The following DENND2B variants were observed in gnomAD, a reference collection of about 807,000 sequenced individuals.
DENND2B encodes the protein DENN domain-containing protein 2B.
In DENND2B, 32 loss-of-function variants were observed where a neutral mutation model predicts 116.0. That is an observed-to-expected ratio of 0.28 (90% confidence interval 0.21 to 0.37). The LOEUF is 0.37. Ranked by LOEUF, DENND2B falls within the 10% of genes least tolerant of loss-of-function variation. DENND2B has a pLI of 1.00. For synonymous variants in DENND2B, 588 were observed against 583.9 expected (o/e 1.01, Z -0.10); for missense variants, 1,276 against 1,477.7 (o/e 0.86, Z 2.24).
chr11:8,699,214 T>A lies in DENND2B; in HGVS notation c.2897A>T (p.Glu966Val). The A allele has an allele frequency of 6.4e-7, 1 of 1,554,944 alleles. No homozygotes were observed. Among genetic ancestry groups the A allele is most frequent in the Non-Finnish European group, 8.7e-7 (1 of 1,155,442 alleles). ...CAGCTGGTTCCCCCGGTGGCCCACC[T>A]CCTCCACAGGCAGCTCCTTCAGTTT... ...LPKLKELPVEEALMVNLGSDR... is the reference protein window; with the variant it reads ...LPKLKELPVEVALMVNLGSDR... The change falls in exon 15 of 20, where the codon GAG becomes GTG. Residue 966 changes from glutamate to valine, a missense_variant and splice_region_variant. Glu to Val is a moderately radical substitution (Grantham distance 121). Transcript: ENST00000313726.
Position 8,695,548 on chromosome 11 carries a change from G to T in DENND2B, c.3294C>A (p.Gly1098=). The change falls in exon 19 of 20, where the codon GGC becomes GGA. Residue 1098 remains glycine (G), a splice_region_variant and synonymous_variant. Coordinates refer to ENST00000313726, the MANE Select transcript of DENND2B (RefSeq NM_213618.2). ...ACTGCTCCACTCGCTGCTCAAAAAG[G>T]CCTGGGTAAAAGAAACAGGCACAGG... is the stretch of plus-strand genomic sequence containing the variant. ...DRELRKCRAK[G]LFEQRVEQYL... The T allele has an allele frequency of 6.2e-7, 1 of 1,613,796 alleles. No homozygotes were observed. The highest frequency in any genetic ancestry group is 8.5e-7 in the Non-Finnish European group (1 of 1,179,974).
At chr11:8,698,169 G>A (rs2040784701) in intron 16 of DENND2B, among the ~76,000 whole-genome samples, 1 of 96,936 alleles carries the variant, frequency 1.0e-5, no homozygotes, top group African/African-American at 2.9e-5. Flanking sequence ...AAAAAAAAGG[G>A]GGTAGAGCCA....
At chr11:8,776,270 C>G (rs891147227) in intron 1 of DENND2B, 2 of 455,292 alleles carry the variant, frequency 4.4e-6, no homozygotes, top group Non-Finnish European at 8.8e-6. Flanking sequence ...GCTCAAATCA[C>G]TGGCAGCCTG....
chr11:8,896,763 A>C (rs2064106943), intron 1 of DENND2B, among the ~76,000 whole-genome samples: 1 of 152,256 alleles, frequency 6.6e-6, no homozygotes, highest in Admixed American at 6.5e-5. Flanking sequence ...ACTTTAGGCT[A>C]ATGTGAGTGT....
At chr11:8,734,267 G>C (rs868229553) in intron 2 of DENND2B, among the ~76,000 whole-genome samples, 19 of 151,776 alleles carry the variant, frequency 1.3e-4, no homozygotes, top group Middle Eastern at 3.5e-3. Flanking sequence ...TCGCAGGGTT[G>C]TCATATTGAG....
At chr11:8,757,051 G>A (rs1323991143) in intron 1 of DENND2B, 39 of 456,134 alleles carry the variant, frequency 8.6e-5, no homozygotes, top group Non-Finnish European at 1.7e-4. Context: ...GGTACCTCTG[G>A]AACTTTTCTA....
At position 8,862,375 on chromosome 11, in the gene DENND2B, G is replaced by A. The variant is rs2063426131; in HGVS notation, c.-249-4939C>T. Among the ~76,000 whole-genome samples, 2 of 140,630 alleles carry A rather than the reference G, an allele frequency of 1.4e-5. 1 individual carries two copies. The highest frequency in any genetic ancestry group is 4.5e-4 in the South Asian group (2 of 4,398). 92.3% of individuals were successfully genotyped at this position (140,630 alleles called of 152,430 possible). A position where few individuals can be genotyped will look rare whatever the true frequency, so the allele number is the denominator to read the frequency against. Reference sequence around the variant, plus strand: ...GACAGGGTCTCACTCTGTCATCCAGGCTGGAGGTCAGTGCCACAGTCTCGA... The same window carrying A: ...GACAGGGTCTCACTCTGTCATCCAGACTGGAGGTCAGTGCCACAGTCTCGA... On this transcript the variant is annotated intron_variant, in intron 2 of 6. Transcript: ENST00000524757.
chr11:8,708,036 A>G (rs2042924154), intron 11 of DENND2B, 182 bp from the exon 12 acceptor site: 3 of 1,519,176 alleles, frequency 2.0e-6, no homozygotes, highest in Non-Finnish European at 2.6e-6. Flanking sequence ...CACTCTCAGG[A>G]CAGGCCTCAG....
intron 2 of DENND2B, among the ~76,000 whole-genome samples, chr11:8,866,407 A>G (rs1218272148): frequency 6.6e-6 from 1 of 152,218 alleles, no homozygotes; most frequent in African/African-American, 2.4e-5. Flanking sequence ...TAACATTTAA[A>G]TAAGGGCATT....
chr11:8,725,356 A>G lies in DENND2B; in HGVS notation c.1477+717T>C, dbSNP rs913820130. 5.5e-5 allele frequency among the ~76,000 whole-genome samples: 8 copies of G among 145,134 alleles called. No homozygotes were observed. In the Admixed American group the frequency reaches 5.9e-4, roughly 11 times the overall value. Reference sequence around the variant, plus strand: ...CACTCAATCTTATTTAATTCTAACAATAACCTTATGAAATATTACTTTTTT... The same window carrying G: ...CACTCAATCTTATTTAATTCTAACAGTAACCTTATGAAATATTACTTTTTT... On this transcript the variant is annotated intron_variant, in intron 4 of 19. Transcript: ENST00000313726.
rs545876791 is a variant in DENND2B at position 8,903,820 on chromosome 11, T to C, written c.-256+7001A>G. 2.8e-5 allele frequency among the ~76,000 whole-genome samples: 4 copies of C among 143,764 alleles called. No homozygotes were observed. The South Asian group carries it at 6.5e-4, about 23-fold the overall frequency. 94.3% of individuals were successfully genotyped at this position (143,764 alleles called of 152,430 possible). Reference sequence around the variant, plus strand: ...GGGAGAATCACCTGAGCCCAGGGAGTTGAGGCTGTAGTGAGCTGTGATTAT... The same window carrying C: ...GGGAGAATCACCTGAGCCCAGGGAGCTGAGGCTGTAGTGAGCTGTGATTAT... On this transcript the variant is annotated intron_variant, in intron 1 of 22. Coordinates refer to the DENND2B transcript ENST00000534127.
chr11:8,777,287 G>A (rs1364192138), intron 1 of DENND2B, among the ~76,000 whole-genome samples: 1 of 152,146 alleles, frequency 6.6e-6, no homozygotes. Flanking sequence ...CGGTAAAAAA[G>A]AGATCCTAAG....
intron 4 of DENND2B, among the ~76,000 whole-genome samples, chr11:8,826,949 G>A (rs565973630): frequency 1.3e-5 from 2 of 152,310 alleles, no homozygotes; most frequent in South Asian, 2.1e-4. Context: ...ATGATGAAAG[G>A]AAAAGCAGAG....
At chr11:8,759,651 G>A (rs937307489) in intron 1 of DENND2B, among the ~76,000 whole-genome samples, 7 of 152,188 alleles carry the variant, frequency 4.6e-5, no homozygotes, top group African/African-American at 1.7e-4. Context: ...GCCAGGAAAG[G>A]GCCAGCAATA....
chr11:8,902,787 A>C (rs147739413), intron 1 of DENND2B, among the ~76,000 whole-genome samples: 186 of 152,314 alleles, frequency 1.2e-3, no homozygotes, highest in Non-Finnish European at 2.1e-3. Context: ...GTTTGACTAT[A>C]AGTTGTGTTT....
chr11:8,897,515 T>G (rs2064117997), intron 1 of DENND2B, among the ~76,000 whole-genome samples: 1 of 152,180 alleles, frequency 6.6e-6, no homozygotes, highest in South Asian at 2.1e-4. Flanking sequence ...TGGTAGTAAA[T>G]GATCAGGGAA....
At chr11:8,857,992 CCT>C (rs574466504) in intron 2 of DENND2B, among the ~76,000 whole-genome samples, 5 of 152,224 alleles carry the variant, frequency 3.3e-5, no homozygotes, top group Non-Finnish European at 5.9e-5. Context: ...TATTCTGTCC[CCT>C]CTGTGTGGAA....
At chr11:8,842,458 A>G (rs1484552939) in intron 3 of DENND2B, among the ~76,000 whole-genome samples, 1 of 152,140 alleles carries the variant, frequency 6.6e-6, no homozygotes, top group African/African-American at 2.4e-5. Flanking sequence ...AGGGTTCTCT[A>G]AGGGTAAGGC....
At chr11:8,714,571 G>GC (rs750420687) in intron 7 of DENND2B, 39 bp downstream of exon 7, 3 of 1,561,530 alleles carry the variant, frequency 1.9e-6, no homozygotes, top group Non-Finnish European at 2.6e-6. Flanking sequence ...ATGCCCAAGG[G>GC]CCCCAAACAG....
Sources: allele counts gnomAD v4.1 joint callset (sites outside exome capture counted in the v4.1 genomes callset), GRCh38; gene constraint gnomAD v4.1.1; transcripts MANE v1.5; gene names NCBI Gene and HGNC (gene_info 2026-07-23, HGNC 2026-07-21).